Variants in CAPN11 observed in about 807,000 individuals in gnomAD.
The protein encoded by CAPN11 is calpain-11.
CAPN11 carries 108 observed loss-of-function variants against 105.3 expected under a neutral mutation model. That is an observed-to-expected ratio of 1.03 (90% CI 0.88 to 1.20). The LOEUF (loss-of-function observed/expected upper bound fraction) is 1.20. Ranked by LOEUF, CAPN11 falls within the 50% of genes most tolerant of loss-of-function variation. CAPN11 has a pLI of 0.00. For missense variants in CAPN11, 883 were observed against 924.8 expected (o/e 0.95, Z 0.59); for synonymous variants, 329 against 344.5 (o/e 0.96, Z 0.50).
chr6:44,176,218 A>C (rs780947249), intron 8 of CAPN11, 35 bp from the exon 9 acceptor site: 3 of 1,610,286 alleles, frequency 1.9e-6, no homozygotes, highest in South Asian at 1.1e-5. Flanking sequence ...CCCTGACCCC[A>C]TAACTCTGAC....
At chr6:44,166,950 C>A (rs1356690742) in intron 2 of CAPN11, 121 bp downstream of exon 2, 3 of 227,300 alleles carry the variant, frequency 1.3e-5, no homozygotes, top group East Asian at 2.5e-4. Context: ...GGGAGGGCGG[C>A]GGGGGGAGGG....
At position 44,184,101 on chromosome 6, in the gene CAPN11, A is replaced by C; in HGVS notation, c.*169A>C. ...GTGCCGTGTTTACTGCAGCAGTGGG[A>C]CCTCCGTGCCCACTCCCCCAGCTCA... On this transcript the variant is annotated 3_prime_UTR_variant, in exon 23 of 23. Coordinates refer to ENST00000398776, the MANE Select transcript of CAPN11 (RefSeq NM_007058.4). The C allele has an allele frequency of 1.5e-6, 1 of 667,432 alleles. No individual in the cohort carries two copies. The highest frequency in any genetic ancestry group is 2.6e-6 in the Non-Finnish European group (1 of 390,258). The allele number at this position is 667,432 out of a possible 1,614,324, so 41.3% of individuals were successfully genotyped here.
intron 1 of CAPN11, among the ~76,000 whole-genome samples, chr6:44,161,192 G>A (rs1277402759): frequency 7.5e-6 from 1 of 133,824 alleles, no homozygotes; most frequent in Admixed American, 7.4e-5. Context: ...TTTTTTTTTT[G>A]GTGTTTTTGT....
intron 12 of CAPN11, 41 bp from the exon 13 acceptor site, chr6:44,179,578 C>G (rs765983259): frequency 6.2e-7 from 1 of 1,604,998 alleles, no homozygotes; most frequent in South Asian, 1.1e-5. Context: ...AGGCCCTTCA[C>G]CACCCTAGAG....
chr6:44,161,256 G>A (rs1469699489), intron 1 of CAPN11, among the ~76,000 whole-genome samples: 1 of 151,556 alleles, frequency 6.6e-6, no homozygotes, highest in Non-Finnish European at 1.5e-5. Context: ...CTGGAGTGCA[G>A]TGGCCCAACC....
chr6:44,177,107 G>A lies in CAPN11; in HGVS notation c.1237+109G>A. On this transcript the variant is annotated intron_variant, in intron 11 of 22. Transcript: ENST00000398776. ...AGTCACCGGAGTCAGGGTCCATGAG[G>A]TCAAGGGTTAGTCAGATTTCACAGC... 2.7e-6 allele frequency: 4 copies of A among 1,488,398 alleles called. No individual in the cohort carries two copies. In the South Asian group the frequency reaches 5.0e-5, roughly 18 times the overall value. 92.2% of individuals were successfully genotyped at this position (1,488,398 alleles called of 1,614,324 possible). A position where few individuals can be genotyped will look rare whatever the true frequency, so the allele number is the denominator to read the frequency against.
In CAPN11 at chr6:44,169,939, G is replaced by C; in HGVS notation, c.373G>C (p.Gly125Arg). 1 of 1,612,464 alleles carries C rather than the reference G, an allele frequency of 6.2e-7. No individual in the cohort carries two copies. Among genetic ancestry groups the C allele is most frequent in the Non-Finnish European group, 8.5e-7 (1 of 1,179,242 alleles). Residue 125 changes from glycine (G) to arginine (R), a missense_variant, in exon 4 of 23, where the codon GGG (glycine) becomes CGG (arginine). Physicochemically the swap from Gly to Arg is moderately radical, Grantham distance 125 (BLOSUM62 -2). Coordinates refer to ENST00000398776, the MANE Select transcript of CAPN11 (RefSeq NM_007058.4). Reference protein sequence around the residue: ...IINNPLFIMDGISPTDICQGI... With the variant: ...IINNPLFIMDRISPTDICQGI... ...AAACAACCCTCTATTCATCATGGAT[G>C]GGATTTCTCCAACAGACATCTGCCA...
At chr6:44,178,749 TTAAAAAA>T (rs1320038803) in intron 12 of CAPN11, among the ~76,000 whole-genome samples, 5 of 70,282 alleles carry the variant, frequency 7.1e-5, no homozygotes, top group African/African-American at 1.1e-4. Context: ...CCTGTCTCGA[TTAAAAAA>T]AAAAAAAAAA....
intron 5 of CAPN11, 42 bp from the exon 6 acceptor site, chr6:44,172,898 G>T: frequency 1.2e-6 from 2 of 1,601,160 alleles, no homozygotes; most frequent in Admixed American, 1.7e-5. Flanking sequence ...GGCGCTTGAT[G>T]ATAGGGTTCC....
At chr6:44,162,098 C>T (rs1020598849) in intron 1 of CAPN11, among the ~76,000 whole-genome samples, 26 of 152,016 alleles carry the variant, frequency 1.7e-4, no homozygotes, top group African/African-American at 6.3e-4. Context: ...TAGACGTTGC[C>T]ACCTGTTCCC....
intron 1 of CAPN11, among the ~76,000 whole-genome samples, chr6:44,165,224 G>A (rs1769596239): frequency 6.6e-6 from 1 of 152,174 alleles, no homozygotes; most frequent in South Asian, 2.1e-4. Flanking sequence ...TAACACTGTG[G>A]AGAACTAGTG....
intron 19 of CAPN11, among the ~76,000 whole-genome samples, 183 bp downstream of exon 19, chr6:44,181,503 C>CAT (rs1561854058): frequency 3.5e-5 from 2 of 57,510 alleles, no homozygotes; most frequent in Non-Finnish European, 3.7e-5. Context: ...CACACACACA[C>CAT]ACACACTCAC....
Position 44,180,719 on chromosome 6 carries a change from C to A in CAPN11, c.1747-29C>A, listed in dbSNP as rs769064210. The A allele has an allele frequency of 1.9e-6, 3 of 1,613,410 alleles. No individual in the cohort carries two copies. In the South Asian group the frequency reaches 3.3e-5, roughly 18 times the overall value. ...AGGGGGATGAGGGGCTGGAGGGGCC[C>A]GAGTGGGGTTCACAGTTCCCCTTCC... is the stretch of plus-strand genomic sequence containing the variant. On this transcript the variant is annotated intron_variant, in intron 16 of 22. Coordinates refer to ENST00000398776, the MANE Select transcript of CAPN11 (RefSeq NM_007058.4).
intron 2 of CAPN11, among the ~76,000 whole-genome samples, chr6:44,167,865 A>G (rs1770224603): frequency 6.6e-6 from 1 of 151,720 alleles, no homozygotes; most frequent in Non-Finnish European, 1.5e-5. Context: ...GCAGTGAGCC[A>G]TGATCAAGCC....
chr6:44,183,645 G>T, intron 21 of CAPN11, 60 bp from the exon 22 acceptor site: 1 of 1,540,034 alleles, frequency 6.5e-7, no homozygotes, highest in East Asian at 2.3e-5. Flanking sequence ...GTTGGGAGTG[G>T]TTCTTTCGGA....
chr6:44,183,171 T>C lies in CAPN11; in HGVS notation c.2070T>C (p.Asp690=). The C allele has an allele frequency of 6.2e-7, 1 of 1,613,448 alleles. No individual in the cohort carries two copies. The highest frequency in any genetic ancestry group is 1.3e-5 in the African/African-American group (1 of 75,034). The change falls in exon 21 of 23, where the codon GAT becomes GAC. Residue 690 remains aspartate, a synonymous_variant. Transcript: ENST00000398776. Reference sequence around the variant, plus strand: ...AGGTCCTGGTGGCCAGGTATGCAGATGATGACCTGATCATAGACTTTGACA... The same window carrying C: ...AGGTCCTGGTGGCCAGGTATGCAGACGATGACCTGATCATAGACTTTGACA... ...VMQVLVARYA[D]DDLIIDFDSF... is the part of the protein sequence containing the mutation.
At chr6:44,166,920 GAA>G in intron 2 of CAPN11, 91 bp downstream of exon 2, 1 of 580,848 alleles carries the variant, frequency 1.7e-6, no homozygotes, top group Admixed American at 2.4e-5. Context: ...GCTGGTGGGG[GAA>G]GTCAGTCATG....
Position 44,173,090 on chromosome 6 carries a change from G to A in CAPN11, c.662+17G>A. The A allele has an allele frequency of 6.2e-7, 1 of 1,611,782 alleles. No individual in the cohort carries two copies. Among genetic ancestry groups the A allele is most frequent in the Non-Finnish European group, 8.5e-7 (1 of 1,178,142 alleles). ...GTATGCCAAGTGAGTGCTGGGAGCT[G>A]AGGAAGGGGGCTTGCCTTGCCTCTG... On this transcript the variant is annotated intron_variant, in intron 6 of 22. Transcript: ENST00000398776.
intron 12 of CAPN11, among the ~76,000 whole-genome samples, chr6:44,178,222 G>C (rs1015857152): frequency 3.9e-5 from 6 of 152,136 alleles, no homozygotes; most frequent in Non-Finnish European, 7.3e-5. Context: ...GCGGGCCAGA[G>C]ACATGAAGTC....
Sources: allele counts gnomAD v4.1 joint callset (sites outside exome capture counted in the v4.1 genomes callset), GRCh38; gene constraint gnomAD v4.1.1; transcripts MANE v1.5; gene names NCBI Gene and HGNC (gene_info 2026-07-23, HGNC 2026-07-21).